Variants in DNAH10 observed in about 807,000 individuals in gnomAD.
The protein encoded by DNAH10 is axonemal beta dynein heavy chain 10.
Under a neutral mutation model 506.6 loss-of-function variants are expected in DNAH10, and 348 were observed. That is an observed-to-expected ratio of 0.69 (90% CI 0.63 to 0.75). The LOEUF (loss-of-function observed/expected upper bound fraction) is 0.75, where lower values mean the gene tolerates loss of function less well. Ranked by LOEUF, DNAH10 falls within the 30% of genes least tolerant of loss-of-function variation. The probability of loss-of-function intolerance (pLI) is 0.00; values close to 1 mark genes in which losing one functional copy is unlikely to be tolerated. For missense variants in DNAH10, 5,179 were observed against 5,787.1 expected, an observed-to-expected ratio of 0.89 and a Z score of 3.41; for synonymous variants, 2,059 against 2,198.6, an observed-to-expected ratio of 0.94 and a Z score of 1.78.
At chr12:123,915,134 C>T (rs1025966208) in intron 62 of DNAH10, 135 bp downstream of exon 62, 47 of 1,254,250 alleles carry the variant, frequency 3.7e-5, no homozygotes, top group Middle Eastern at 5.6e-4. Context: ...GACCCCCATG[C>T]GGAGCCCTCC....
chr12:123,773,595 G>C (rs142863017), intron 4 of DNAH10, among the ~76,000 whole-genome samples: 93 of 152,290 alleles, frequency 6.1e-4, no homozygotes, highest in African/African-American at 2.2e-3. Context: ...CTGGCATCTG[G>C]TGAGGGCCAC....
At position 123,913,016 on chromosome 12, in the gene DNAH10, C is replaced by A; in HGVS notation, c.10135-82C>A. On this transcript the variant is annotated intron_variant, in intron 59 of 78. Transcript: ENST00000673944. The surrounding 1 kb of genome is among the most constrained non-coding windows in gnomAD (Gnocchi z 5.1). Reference sequence around the variant, plus strand: ...ACAGACACCATTAGAGCAGTTTAGACATGTGGCCTGGTTTGAGGCCATGGG... The same window carrying A: ...ACAGACACCATTAGAGCAGTTTAGAAATGTGGCCTGGTTTGAGGCCATGGG... The A allele has an allele frequency of 1.5e-6, 2 of 1,333,610 alleles. No individual in the cohort carries two copies. Among genetic ancestry groups the A allele is most frequent in the Non-Finnish European group, 2.1e-6 (2 of 965,116 alleles). The allele number at this position is 1,333,610 out of a possible 1,614,324, so 82.6% of individuals were successfully genotyped here. A position where few individuals can be genotyped will look rare whatever the true frequency, so the allele number is the denominator to read the frequency against.
At chr12:123,807,799 A>AGG (rs1389585534) in intron 18 of DNAH10, among the ~76,000 whole-genome samples, 38 of 108,052 alleles carry the variant, frequency 3.5e-4, no homozygotes, top group African/African-American at 1.3e-3. Flanking sequence ...AGAGAGGCAG[A>AGG]GGGGGAGAGA....
Position 123,813,358 on chromosome 12 carries a change from G to T in DNAH10, c.3339G>T (p.Arg1113=), listed in dbSNP as rs750805701. 1.9e-6 allele frequency: 3 copies of T among 1,614,240 alleles called. No individual in the cohort carries two copies. The highest frequency in any genetic ancestry group is 2.5e-6 in the Non-Finnish European group (3 of 1,180,046). ...TGAAGTATCTACAAAAATGGAAGCG[G>T]TATCGACCTCTCTGGAAATTGGACA... ...NLMKYLQKWK[R]YRPLWKLDKA... Residue 1113 remains arginine (R), a synonymous_variant, in exon 20 of 79, where the codon CGG becomes CGT. Coordinates refer to ENST00000673944, the MANE Select transcript of DNAH10 (RefSeq NM_001372106.1).
chr12:123,887,453 T>G, intron 52 of DNAH10, 140 bp downstream of exon 52: 2 of 995,832 alleles, frequency 2.0e-6, no homozygotes, highest in Non-Finnish European at 2.8e-6. Flanking sequence ...CGGCGGCCCC[T>G]GAGATAGGTC....
chr12:123,832,075 C>T (rs1960613926), intron 26 of DNAH10, among the ~76,000 whole-genome samples: 1 of 152,134 alleles, frequency 6.6e-6, no homozygotes, highest in East Asian at 1.9e-4. Context: ...CATATGCATG[C>T]AAACACACAA....
chr12:123,793,443 G>A (rs529925042), intron 11 of DNAH10, among the ~76,000 whole-genome samples: 9 of 149,974 alleles, frequency 6.0e-5, no homozygotes, highest in South Asian at 4.2e-4. Flanking sequence ...GGTTCACACC[G>A]TTCTCCTGAC....
intron 54 of DNAH10, among the ~76,000 whole-genome samples, chr12:123,896,383 A>T (rs1402698583): frequency 6.6e-6 from 1 of 152,180 alleles, no homozygotes; most frequent in Non-Finnish European, 1.5e-5. Flanking sequence ...CCATTTTAAT[A>T]TGAGACATTC....
chr12:123,788,663 C>A (rs1308235167), intron 10 of DNAH10, among the ~76,000 whole-genome samples: 1 of 152,170 alleles, frequency 6.6e-6, no homozygotes, highest in Non-Finnish European at 1.5e-5. Context: ...CATGATGGCT[C>A]ACACCTGTAA....
At chr12:123,908,311 C>A in intron 57 of DNAH10, 2 of 455,956 alleles carry the variant, frequency 4.4e-6, no homozygotes, top group Non-Finnish European at 8.8e-6. Context: ...TCCCTCCATC[C>A]CCCTCTTTCT....
In DNAH10 at chr12:123,866,080, T is replaced by C. The variant is rs1415712628; in HGVS notation, c.7167+7T>C. On this transcript the variant is annotated splice_region_variant and intron_variant, in intron 41 of 78. Coordinates refer to ENST00000673944, the MANE Select transcript of DNAH10 (RefSeq NM_001372106.1). ...TAATCAAATACCAAACAAGGTGAAA[T>C]TTTTTTCTAAAATGAACTTAAATTT... 3 of 1,593,692 alleles carry C rather than the reference T, an allele frequency of 1.9e-6. No homozygotes were observed. Among genetic ancestry groups the C allele is most frequent in the Non-Finnish European group, 2.6e-6 (3 of 1,171,178 alleles).
At chr12:123,796,579 T>C in intron 12 of DNAH10, 77 bp from the exon 13 acceptor site, 1 of 1,379,904 alleles carries the variant, frequency 7.2e-7, no homozygotes, top group South Asian at 1.5e-5. Flanking sequence ...TTGGTTTCCT[T>C]AAAGATTCAA....
chr12:123,862,763 A>C (rs1336749129), intron 39 of DNAH10, among the ~76,000 whole-genome samples: 1 of 152,218 alleles, frequency 6.6e-6, no homozygotes, highest in Non-Finnish European at 1.5e-5. Context: ...AATGTGGACT[A>C]TACATTAGAT....
Position 123,820,242 on chromosome 12 carries a change from G to A in DNAH10, c.4001-338G>A, listed in dbSNP as rs11057367. 5.0e-3 allele frequency among the ~76,000 whole-genome samples: 760 copies of A among 152,304 alleles called. 22 individuals are homozygous for A. In the East Asian group the frequency reaches 0.078, roughly 16 times the overall value. On this transcript the variant is annotated intron_variant, in intron 23 of 78. Transcript: ENST00000673944. The stretch of plus-strand genomic sequence containing the variant: ...AGAAGCATAGAACTGGGAAGTTAGA[G>A]TGGTAAGGGAGTTATCAGTAGGATG...
At chr12:123,802,823 A>G (rs539224117) in intron 16 of DNAH10, among the ~76,000 whole-genome samples, 2 of 150,400 alleles carry the variant, frequency 1.3e-5, no homozygotes, top group South Asian at 4.2e-4. Flanking sequence ...AATGGTGTTG[A>G]GCATCTTTTC....
Position 123,931,472 on chromosome 12 carries a change from G to A in DNAH10, c.12916G>A (p.Gly4306Arg). The A allele has an allele frequency of 1.2e-6, 2 of 1,613,410 alleles. No individual in the cohort carries two copies. Among genetic ancestry groups the A allele is most frequent in the Non-Finnish European group, 1.7e-6 (2 of 1,179,592 alleles). ...CCTGCTGGAGCTGCAGCCTCAGACA[G>A]GTAAACTCTACTCAGGAGGACTTCA... is the stretch of plus-strand genomic sequence containing the variant. ...AHLLELQPQT[G>R]ESSSGISRDD... Residue 4306 changes from glycine to arginine, a missense_variant and splice_region_variant, in exon 74 of 79, where the codon GGG (glycine) becomes AGG (arginine). Coordinates refer to ENST00000673944, the MANE Select transcript of DNAH10 (RefSeq NM_001372106.1).
intron 21 of DNAH10, among the ~76,000 whole-genome samples, chr12:123,817,099 CTTTTTTTTTT>C (rs755698934): frequency 2.3e-5 from 2 of 87,014 alleles, no homozygotes; most frequent in African/African-American, 4.4e-5. Context: ...TCCAGTCTAA[CTTTTTTTTTT>C]TTTTTTTTTT....
chr12:123,769,060 T>C (rs1311155662), intron 2 of DNAH10, among the ~76,000 whole-genome samples: 1 of 152,108 alleles, frequency 6.6e-6, no homozygotes, highest in Non-Finnish European at 1.5e-5. Context: ...TTTAACCAAA[T>C]TGTAATCCCC....
At chr12:123,828,554 C>G (rs1052747447) in intron 25 of DNAH10, among the ~76,000 whole-genome samples, 35 of 152,284 alleles carry the variant, frequency 2.3e-4, no homozygotes, top group African/African-American at 8.2e-4. Flanking sequence ...CTCGCCGAGT[C>G]TGCTTTTAGC....
Sources: allele counts gnomAD v4.1 joint callset (sites outside exome capture counted in the v4.1 genomes callset), GRCh38; gene constraint gnomAD v4.1.1; non-coding constraint Gnocchi (gnomAD v3.1); transcripts MANE v1.5; gene names NCBI Gene and HGNC (gene_info 2026-07-23, HGNC 2026-07-21).